The following ITPR1 variants were observed in gnomAD, a reference collection of about 807,000 sequenced individuals.
ITPR1 encodes the protein inositol 1,4,5-trisphosphate receptor type 1.
ITPR1 carries 96 observed loss-of-function variants against 318.4 expected under a neutral mutation model. The observed-to-expected ratio is 0.30, with a 90% CI of 0.26 to 0.36. The LOEUF (loss-of-function observed/expected upper bound fraction) is 0.36, where lower values mean the gene tolerates loss of function less well. ITPR1 is among the 10% of genes least tolerant of loss of function. The probability of loss-of-function intolerance (pLI) is 1.00; values close to 1 mark genes in which losing one functional copy is unlikely to be tolerated. For synonymous variants in ITPR1, 1,312 were observed against 1,289.9 expected (o/e 1.02, Z -0.37); for missense variants, 2,440 against 3,460.2 (o/e 0.71, Z 7.40).
rs138137206 is a variant in ITPR1, at chr3:4,554,438, G to GT, written c.163+33350dup. ...ACGTGTATTGGCCTAGTTAGTAAAT[G>GT]TTTTTTGTGGGCATGAATCAATTGA... On this transcript the variant is annotated intron_variant, in intron 4 of 61. Coordinates refer to ENST00000649015, the MANE Select transcript of ITPR1 (RefSeq NM_001378452.1). Among the ~76,000 whole-genome samples the GT allele has an allele frequency of 5.3e-4, 81 of 152,306 alleles. 1 individual carries two copies. The East Asian group carries it at 0.015, about 28-fold the overall frequency.
At chr3:4,493,967 G>A (rs1431194423) in intron 1 of ITPR1, among the ~76,000 whole-genome samples, 2 of 145,926 alleles carry the variant, frequency 1.4e-5, no homozygotes, top group Non-Finnish European at 3.0e-5. Context: ...TTCTAAAAAT[G>A]TATCCCTCTC....
intron 46 of ITPR1, among the ~76,000 whole-genome samples, chr3:4,769,176 A>G (rs1359875347): frequency 6.6e-6 from 1 of 152,174 alleles, no homozygotes; most frequent in South Asian, 2.1e-4. Context: ...CTAGGATTAC[A>G]GGCATGAGCC....
At chr3:4,655,921 C>G (rs957594534) in intron 12 of ITPR1, among the ~76,000 whole-genome samples, 1 of 152,196 alleles carries the variant, frequency 6.6e-6, no homozygotes, top group Non-Finnish European at 1.5e-5. Flanking sequence ...CCCCACCCCC[C>G]TCATACTCTT....
intron 42 of ITPR1, among the ~76,000 whole-genome samples, chr3:4,730,370 AATGTGTGTGTGTGT>A (rs1378242388): frequency 1.4e-4 from 13 of 91,580 alleles, no homozygotes; most frequent in Admixed American, 8.5e-4. Flanking sequence ...TGTTGGGTGG[AATGTGTGTGTGTGT>A]GTGTGTGTGT....
At chr3:4,642,526 C>T (rs1186049796) in intron 7 of ITPR1, among the ~76,000 whole-genome samples, 2 of 152,160 alleles carry the variant, frequency 1.3e-5, no homozygotes, top group African/African-American at 2.4e-5. Flanking sequence ...ACAGCTATTC[C>T]GTGTTAATGT....
At chr3:4,786,666 C>A (rs751723168) in intron 51 of ITPR1, among the ~76,000 whole-genome samples, 3 of 152,186 alleles carry the variant, frequency 2.0e-5, no homozygotes, top group African/African-American at 7.2e-5. Context: ...CAATCAAGTG[C>A]GCTAGAATTT....
At chr3:4,539,407 G>A (rs1156695027) in intron 4 of ITPR1, among the ~76,000 whole-genome samples, 5 of 151,942 alleles carry the variant, frequency 3.3e-5, no homozygotes, top group Non-Finnish European at 7.4e-5. Context: ...CCAATCTTAG[G>A]TGCAATGTGC....
intron 4 of ITPR1, among the ~76,000 whole-genome samples, chr3:4,525,993 C>T (rs565467005): frequency 1.3e-5 from 2 of 152,264 alleles, no homozygotes; most frequent in East Asian, 3.9e-4. Flanking sequence ...AACAAGGGAA[C>T]TGGGCTTTTG....
chr3:4,615,373 CTTTTT>C (rs11330102), intron 4 of ITPR1, among the ~76,000 whole-genome samples: 9 of 122,824 alleles, frequency 7.3e-5, no homozygotes, highest in African/African-American at 2.8e-4. Context: ...TGATTTCTTT[CTTTTT>C]TTTTTTTTTT....
chr3:4,605,244 G>T lies in ITPR1; in HGVS notation c.164-22519G>T, dbSNP rs201483461. Among the ~76,000 whole-genome samples the T allele has an allele frequency of 3.3e-5, 5 of 152,098 alleles. No individual in the cohort carries two copies. In the East Asian group the frequency reaches 9.6e-4, roughly 29 times the overall value. On this transcript the variant is annotated intron_variant, in intron 4 of 61. Transcript: ENST00000649015. ...TGGGATTACAGGCCTGAGCCACCCT[G>T]CCCGGCCCTATAGTTTTTTAAATGG...
intron 4 of ITPR1, among the ~76,000 whole-genome samples, chr3:4,584,722 T>C (rs2089707512): frequency 6.6e-6 from 1 of 152,050 alleles, no homozygotes; most frequent in Non-Finnish European, 1.5e-5. Context: ...TGGTGGAGGC[T>C]TTTTTTGTCT....
At chr3:4,578,240 G>A (rs985680705) in intron 4 of ITPR1, among the ~76,000 whole-genome samples, 1 of 152,168 alleles carries the variant, frequency 6.6e-6, no homozygotes, top group African/African-American at 2.4e-5. Flanking sequence ...ACTAAATTAT[G>A]TAAGATTCTA....
intron 46 of ITPR1, among the ~76,000 whole-genome samples, chr3:4,769,184 G>C (rs569594688): frequency 6.6e-6 from 1 of 152,230 alleles, no homozygotes; most frequent in African/African-American, 2.4e-5. Flanking sequence ...ACAGGCATGA[G>C]CCACCGAGCC....
Position 4,814,412 on chromosome 3 carries a change from C to T in ITPR1, c.7562-11C>T, listed in dbSNP as rs368532017. ...ACGTTTTCTCTCTGTTGTTACTTGCCGTGTTCACAGAGCTGGTCCCTGCAG... is the reference window on the plus strand; with the variant it reads ...ACGTTTTCTCTCTGTTGTTACTTGCTGTGTTCACAGAGCTGGTCCCTGCAG... On this transcript the variant is annotated splice_polypyrimidine_tract_variant and intron_variant, in intron 57 of 61. Coordinates refer to ENST00000649015, the MANE Select transcript of ITPR1 (RefSeq NM_001378452.1). 26 of 1,613,562 alleles carry T rather than the reference C, an allele frequency of 1.6e-5. No homozygotes were observed. The highest frequency in any genetic ancestry group is 2.0e-5 in the Non-Finnish European group (24 of 1,179,734).
At position 4,681,565 on chromosome 3, in the gene ITPR1, G is replaced by C; in HGVS notation, c.3161+147G>C. On this transcript the variant is annotated intron_variant, in intron 26 of 61. Transcript: ENST00000649015. The stretch of plus-strand genomic sequence containing the variant: ...TTTGGAACTGTTAGTACTCAAGTCA[G>C]AGTTAACTTGGTTGGCTTGATTGGG... The C allele has an allele frequency of 4.7e-6, 3 of 641,922 alleles. No homozygotes were observed. In the South Asian group the frequency reaches 5.3e-5, roughly 11 times the overall value. The allele number at this position is 641,922 out of a possible 1,614,324, so 39.8% of individuals were successfully genotyped here. A position where few individuals can be genotyped will look rare whatever the true frequency, so the allele number is the denominator to read the frequency against.
chr3:4,674,948 G>A lies in ITPR1; in HGVS notation c.2599-120G>A, dbSNP rs578123283. On this transcript the variant is annotated intron_variant, in intron 22 of 61. Coordinates refer to ENST00000649015, the MANE Select transcript of ITPR1 (RefSeq NM_001378452.1). The stretch of plus-strand genomic sequence containing the variant: ...ATCAGAAAGTGCAAGGAAAATACAT[G>A]CCTTCTCTTACCATAAGGAAGGTCC... 44 of 576,870 alleles carry A rather than the reference G, an allele frequency of 7.6e-5. No homozygotes were observed. In the East Asian group the frequency reaches 1.3e-3, roughly 17 times the overall value. The allele number at this position is 576,870 out of a possible 1,614,324, so 35.7% of individuals were successfully genotyped here.
intron 2 of ITPR1, among the ~76,000 whole-genome samples, chr3:4,513,231 G>C (rs981859134): frequency 6.6e-6 from 1 of 152,154 alleles, no homozygotes; most frequent in Non-Finnish European, 1.5e-5. Flanking sequence ...ACACCACAGA[G>C]GCCTGTTCTG....
chr3:4,659,145 C>T (rs2093777503), intron 13 of ITPR1, among the ~76,000 whole-genome samples: 1 of 152,152 alleles, frequency 6.6e-6, no homozygotes, highest in Non-Finnish European at 1.5e-5. Flanking sequence ...GGAAATGTCA[C>T]TGTCATTTAT....
chr3:4,541,889 G>A (rs1014310377), intron 4 of ITPR1, among the ~76,000 whole-genome samples: 9 of 152,120 alleles, frequency 5.9e-5, no homozygotes, highest in Admixed American at 2.6e-4. Flanking sequence ...CTCCCAAAGC[G>A]CAAGGATTAT....
Sources: gnomAD v4.1 joint callset for allele counts (sites outside exome capture counted in the v4.1 genomes callset) on GRCh38, gnomAD v4.1.1 for gene constraint, MANE v1.5 for transcripts, NCBI Gene and HGNC (gene_info 2026-07-23, HGNC 2026-07-21) for gene names.